Variants in ANKRD27 observed in about 807,000 individuals in gnomAD.
The protein encoded by ANKRD27 is ankyrin repeat domain 27.
In ANKRD27, 112 loss-of-function variants were observed where a neutral mutation model predicts 129.7. The ratio of observed to expected loss-of-function variants is 0.86; its 90% CI spans 0.74 to 1.01. The LOEUF is 1.01. ANKRD27 is among the 50% of genes least tolerant of loss of function. The pLI, the probability that ANKRD27 is intolerant of heterozygous loss-of-function variation, is 0.00. For missense variants in ANKRD27, 1,258 were observed against 1,300.5 expected (o/e 0.97, Z 0.50); for synonymous variants, 516 against 511.2 (o/e 1.01, Z -0.13).
intron 26 of ANKRD27, among the ~76,000 whole-genome samples, chr19:32,600,689 G>T (rs966059141): frequency 6.6e-6 from 1 of 152,022 alleles, no homozygotes; most frequent in Non-Finnish European, 1.5e-5. Flanking sequence ...TTTGAGATAG[G>T]GGGTAGTCAG....
At chr19:32,646,433 G>A in intron 4 of ANKRD27, 26 bp downstream of exon 4, 1 of 1,587,160 alleles carries the variant, frequency 6.3e-7, no homozygotes, top group Non-Finnish European at 8.6e-7. Flanking sequence ...TAAAACAGGA[G>A]AAAAAGGTTT....
At chr19:32,656,802 AAAG>A (rs1163035600) in intron 2 of ANKRD27, among the ~76,000 whole-genome samples, 5 of 151,908 alleles carry the variant, frequency 3.3e-5, no homozygotes, top group South Asian at 2.1e-4. Context: ...AAAAAAAAAA[AAAG>A]AGTGATGTGT....
Position 32,615,094 on chromosome 19 carries a change from C to T in ANKRD27, c.2175+564G>A, listed in dbSNP as rs144443531. On this transcript the variant is annotated intron_variant, in intron 22 of 28. Transcript: ENST00000306065. ...TTGAGCATCTGTTCATAAGCTCCTG[C>T]CACGGGACTCAGGGGCCCAGATAGC... Among the ~76,000 whole-genome samples, 875 of 152,278 alleles carry T rather than the reference C, an allele frequency of 5.7e-3. 6 individuals carry two copies. Among genetic ancestry groups the T allele is most frequent in the Middle Eastern group, 0.017 (5 of 294 alleles).
intron 2 of ANKRD27, among the ~76,000 whole-genome samples, chr19:32,651,401 G>A (rs983406182): frequency 2.0e-5 from 3 of 152,006 alleles, no homozygotes; most frequent in Non-Finnish European, 1.5e-5. Context: ...GACAGATCTC[G>A]CTCTGTTGCC....
chr19:32,637,774 C>A (rs1321204289), intron 12 of ANKRD27: 4 of 152,444 alleles, frequency 2.6e-5, no homozygotes, highest in Non-Finnish European at 5.9e-5. Flanking sequence ...TAAGTGCCTG[C>A]TCCCGCTCCT....
chr19:32,636,267 T>C (rs1185495646), intron 12 of ANKRD27: 1 of 165,038 alleles, frequency 6.1e-6, no homozygotes, highest in Non-Finnish European at 1.3e-5. Flanking sequence ...ATGTGCCACA[T>C]TAGGGAGACC....
chr19:32,617,842 CCT>C (rs1971945091), intron 20 of ANKRD27, among the ~76,000 whole-genome samples: 1 of 151,668 alleles, frequency 6.6e-6, no homozygotes, highest in Non-Finnish European at 1.5e-5. Context: ...GCAACCTCCG[CCT>C]CCCAGGTTCA....
chr19:32,599,140 G>T (rs1477191426), intron 28 of ANKRD27, among the ~76,000 whole-genome samples: 4 of 152,172 alleles, frequency 2.6e-5, no homozygotes, highest in Non-Finnish European at 4.4e-5. Flanking sequence ...AAATTAGCCA[G>T]GAATAGTGGC....
At chr19:32,664,942 G>A (rs1292945366) in intron 1 of ANKRD27, among the ~76,000 whole-genome samples, 2 of 118,980 alleles carry the variant, frequency 1.7e-5, no homozygotes, top group South Asian at 2.9e-4. Flanking sequence ...AAAAAAAACT[G>A]TTATTAATGA....
chr19:32,626,424 T>A (rs980992735), intron 16 of ANKRD27, among the ~76,000 whole-genome samples: 6 of 151,650 alleles, frequency 4.0e-5, no homozygotes, highest in Admixed American at 3.9e-4. Context: ...TCCTCCTGCT[T>A]TGGGCTCCCA....
At chr19:32,619,443 G>A (rs771616017) in intron 19 of ANKRD27, 51 bp downstream of exon 19, 47 of 1,613,882 alleles carry the variant, frequency 2.9e-5, no homozygotes, top group Non-Finnish European at 3.6e-5. Flanking sequence ...GACCAGAGAA[G>A]GCGCCCTTGG....
chr19:32,631,308 C>T, intron 13 of ANKRD27, 94 bp downstream of exon 13: 1 of 1,164,518 alleles, frequency 8.6e-7, no homozygotes, highest in Non-Finnish European at 1.3e-6. Context: ...CATGAGCCAC[C>T]ATGCCTGGCC....
chr19:32,640,521 A>C, intron 10 of ANKRD27, 136 bp from the exon 11 acceptor site: 1 of 722,548 alleles, frequency 1.4e-6, no homozygotes, highest in South Asian at 1.6e-5. Context: ...ATGTCATTGC[A>C]CAAGCTCCTT....
In ANKRD27 at chr19:32,658,959, C is replaced by T. The variant is rs771604693; in HGVS notation, c.57G>A (p.Lys19=). 1.2e-6 allele frequency: 2 copies of T among 1,614,100 alleles called. No individual in the cohort carries two copies. Among genetic ancestry groups the T allele is most frequent in the South Asian group, 2.2e-5 (2 of 91,078 alleles). Reference sequence around the variant, plus strand: ...CTTTGCTGCACAAGTCAGGGCGGCACTTTTGCAGAGCCAGATAGAAAGGAT... The same window carrying T: ...CTTTGCTGCACAAGTCAGGGCGGCATTTTTGCAGAGCCAGATAGAAAGGAT... ...LKNPFYLALQ[K]CRPDLCSKVA... is the part of the protein sequence containing the mutation. Residue 19 remains lysine (K), a synonymous_variant, in exon 2 of 29, where the codon AAG becomes AAA. Transcript: ENST00000306065.
At chr19:32,611,065 G>T (rs1459909449) in intron 22 of ANKRD27, among the ~76,000 whole-genome samples, 3 of 152,178 alleles carry the variant, frequency 2.0e-5, no homozygotes, top group Admixed American at 1.3e-4. Context: ...TTTAATCACA[G>T]ACATGAAGCA....
rs1967243955 is a variant in ANKRD27 at position 32,643,563 on chromosome 19, G to A, written c.585+9C>T. On this transcript the variant is annotated intron_variant, in intron 6 of 28. Transcript: ENST00000306065. ...CACAATTCTCCCTCTCAGAAGTCCT[G>A]CTGCTTACCAGGTGAGAGTCCCTCA... 6.2e-7 allele frequency: 1 copy of A among 1,613,858 alleles called. No homozygotes were observed. The highest frequency in any genetic ancestry group is 1.3e-5 in the African/African-American group (1 of 74,864).
In ANKRD27 at chr19:32,598,021, G is replaced by T; in HGVS notation, c.*124C>A. ...GCCACAGAAAAGCTTTCAGGAACTT[G>T]GTGCTGAAGACTTCTCAAGCCAGTC... is the stretch of plus-strand genomic sequence containing the variant. On this transcript the variant is annotated 3_prime_UTR_variant, in exon 29 of 29. Transcript: ENST00000306065. 3 of 833,156 alleles carry T rather than the reference G, an allele frequency of 3.6e-6. No homozygotes were observed. Among genetic ancestry groups the T allele is most frequent in the Non-Finnish European group, 5.7e-6 (3 of 527,622 alleles). 51.6% of individuals were successfully genotyped at this position (833,156 alleles called of 1,614,324 possible).
At chr19:32,629,619 G>A (rs963408821) in intron 13 of ANKRD27, among the ~76,000 whole-genome samples, 1 of 152,066 alleles carries the variant, frequency 6.6e-6, no homozygotes, top group African/African-American at 2.4e-5. Flanking sequence ...AGAATCACTT[G>A]AACCCGGGAG....
intron 4 of ANKRD27, 96 bp from the exon 5 acceptor site, chr19:32,644,575 C>A: frequency 7.2e-7 from 1 of 1,383,330 alleles, no homozygotes; most frequent in Admixed American, 2.1e-5. Context: ...GGGAGGAGGG[C>A]AAATGTCCTT....
Sources: allele counts gnomAD v4.1 joint callset (sites outside exome capture counted in the v4.1 genomes callset), GRCh38; gene constraint gnomAD v4.1.1; transcripts MANE v1.5; gene names NCBI Gene and HGNC (gene_info 2026-07-23, HGNC 2026-07-21).